Variants in IQCF5 observed in about 807,000 individuals in gnomAD.
The protein encoded by IQCF5 is IQ domain-containing protein F5.
A neutral mutation model predicts 3.4 loss-of-function variants in IQCF5; 2 were observed. The observed-to-expected ratio is 0.58, with a 90% confidence interval of 0.24 to 1.84. IQCF5 has a LOEUF of 1.84. IQCF5 is among the 40% of genes most tolerant of loss of function. The pLI is 0.17. For synonymous variants in IQCF5, 58 were observed against 64.7 expected, an observed-to-expected ratio of 0.90 and a Z score of 0.49; for missense variants, 167 against 191.6, an observed-to-expected ratio of 0.87 and a Z score of 0.76.
Position 51,874,144 on chromosome 3 carries a change from C to T in IQCF5, c.36G>A (p.Arg12=), listed in dbSNP as rs775950038. Residue 12 remains arginine (R), a synonymous_variant, in exon 2 of 2, where the codon AGG becomes AGA. Transcript: ENST00000446461. ...AGGCCTGGATGAAAACAGCTGCAGA[C>T]CTTTCTGTCATGATGGTCTTCTCTT... ...GPEEKTIMTE[R]SAAVFIQAWW... 6.9e-5 allele frequency: 107 copies of T among 1,551,840 alleles called. No individual in the cohort carries two copies. Among genetic ancestry groups the T allele is most frequent in the Non-Finnish European group, 9.2e-5 (105 of 1,147,000 alleles).
Position 51,875,526 on chromosome 3 carries a change from AC to A in IQCF5, c.4+1del. The A allele has an allele frequency of 6.4e-7, 1 of 1,551,942 alleles. No individual in the cohort carries two copies. Among genetic ancestry groups the A allele is most frequent in the Non-Finnish European group, 8.7e-7 (1 of 1,147,060 alleles). On this transcript the variant is annotated splice_donor_variant, in intron 1 of 1. Coordinates refer to ENST00000446461, the MANE Select transcript of IQCF5 (RefSeq NM_001145059.2). LOFTEE classifies it high-confidence loss of function. ...GCACAGGTCTGGACTTTACTAAATT[AC>A]CCATGGTTAGGGGCTAGATGGTCCC...
chr3:51,874,738 T>C (rs1698778214), intron 1 of IQCF5: 1 of 272,118 alleles, frequency 3.7e-6, no homozygotes, highest in African/African-American at 2.3e-5. Context: ...CCCTTGGTCC[T>C]GCATTCCCCA....
rs1698766674 is a variant in IQCF5, at chr3:51,873,905, T to C, written c.275A>G (p.Asn92Ser). 1 of 1,551,774 alleles carries C rather than the reference T, an allele frequency of 6.4e-7. No individual in the cohort carries two copies. The highest frequency in any genetic ancestry group is 8.7e-7 in the Non-Finnish European group (1 of 1,147,030). Residue 92 changes from asparagine (N) to serine (S), a missense_variant, in exon 2 of 2, where the codon AAC (asparagine) becomes AGC (serine). Physicochemically the swap from Asn to Ser is conservative, Grantham distance 46. Coordinates refer to ENST00000446461, the MANE Select transcript of IQCF5 (RefSeq NM_001145059.2). ...ATAGACCTGGATGATGCGGACAGCG[T>C]TGAGCAAACGACAGTAACGCTGGCG... ...CVRQRYCRLL[N>S]AVRIIQVYWR... is the part of the protein sequence containing the mutation.
intron 1 of IQCF5, chr3:51,874,386 A>G (rs1203480001): frequency 2.9e-6 from 2 of 698,802 alleles, no homozygotes; most frequent in Admixed American, 4.0e-5. Flanking sequence ...TCTGCAAAAT[A>G]GGTGTACATC....
At position 51,873,950 on chromosome 3, in the gene IQCF5, C is replaced by G; in HGVS notation, c.230G>C (p.Trp77Ser). 1 of 1,551,946 alleles carries G rather than the reference C, an allele frequency of 6.4e-7. No homozygotes were observed. Among genetic ancestry groups the G allele is most frequent in the Non-Finnish European group, 8.7e-7 (1 of 1,147,102 alleles). Residue 77 changes from tryptophan to serine, a missense_variant, in exon 2 of 2, where the codon TGG (tryptophan) becomes TCG (serine). Coordinates refer to ENST00000446461, the MANE Select transcript of IQCF5 (RefSeq NM_001145059.2). ...CTGGCGGACACACCACATGCGGACC[C>G]AGGACTGCAGCCTGACTGCTGCCCA... ...QEWAAVRLQS[W>S]VRMWCVRQRY...
Position 51,873,752 on chromosome 3 carries a change from G to A in IQCF5, c.428C>T (p.Pro143Leu). The A allele has an allele frequency of 6.4e-7, 1 of 1,550,846 alleles. No homozygotes were observed. ...ACCTGGTCATTCTTTTAATGGAAGG[G>A]GTATGCATTGTTGCACCTTACAAGC... ...LQACKVQQCI[P>L]LPLKE The change falls in exon 2 of 2, where the codon CCC (proline) becomes CTC (leucine). Residue 143 changes from proline (P) to leucine (L), a missense_variant. Physicochemically the swap from Pro to Leu is moderately conservative, Grantham distance 98. Transcript: ENST00000446461.
At chr3:51,875,275 G>T in intron 1 of IQCF5, 1 of 547,620 alleles carries the variant, frequency 1.8e-6, no homozygotes. Context: ...CAGAGTGTAT[G>T]GGGGGAAATA....
At chr3:51,875,396 G>T in intron 1 of IQCF5, 132 bp downstream of exon 1, 5 of 954,800 alleles carry the variant, frequency 5.2e-6, no homozygotes, top group East Asian at 2.6e-5. Flanking sequence ...ATGGAGGGGG[G>T]TCCTGTCATG....
chr3:51,873,740 T>G lies in IQCF5; in HGVS notation c.440A>C (p.Lys147Thr), dbSNP rs1488218153. 6.5e-7 allele frequency: 1 copy of G among 1,549,324 alleles called. No homozygotes were observed. Among genetic ancestry groups the G allele is most frequent in the South Asian group, 1.2e-5 (1 of 83,996 alleles). The stretch of plus-strand genomic sequence containing the variant: ...CAGATATAGCAGACCTGGTCATTCT[T>G]TTAATGGAAGGGGTATGCATTGTTG... Reference protein sequence around the residue: ...KVQQCIPLPLKE With the variant: ...KVQQCIPLPLTE Residue 147 changes from lysine to threonine, a missense_variant, in exon 2 of 2, where the codon AAA (lysine) becomes ACA (threonine). Transcript: ENST00000446461.
chr3:51,875,028 ATAGATCT>A, intron 1 of IQCF5: 1 of 186,120 alleles, frequency 5.4e-6, no homozygotes, highest in Admixed American at 5.3e-5. Flanking sequence ...TTACAGGGTC[ATAGATCT>A]TTGAGTCACT....
intron 1 of IQCF5, 179 bp from the exon 2 acceptor site, chr3:51,874,354 C>A: frequency 1.4e-6 from 1 of 721,496 alleles, no homozygotes; most frequent in Non-Finnish European, 2.5e-6. Context: ...CCTCACTTGA[C>A]CTCTGAGTTT....
chr3:51,874,142 G>A lies in IQCF5; in HGVS notation c.38C>T (p.Ser13Phe). 1 of 1,552,046 alleles carries A rather than the reference G, an allele frequency of 6.4e-7. No homozygotes were observed. The highest frequency in any genetic ancestry group is 1.4e-5 in the African/African-American group (1 of 73,176). Residue 13 changes from serine (S) to phenylalanine (F), a missense_variant, in exon 2 of 2, where the codon TCT becomes TTT. Coordinates refer to ENST00000446461, the MANE Select transcript of IQCF5 (RefSeq NM_001145059.2). ...PEEKTIMTER[S>F]AAVFIQAWWR... ...CCAGGCCTGGATGAAAACAGCTGCAGACCTTTCTGTCATGATGGTCTTCTC... is the reference window on the plus strand; with the variant it reads ...CCAGGCCTGGATGAAAACAGCTGCAAACCTTTCTGTCATGATGGTCTTCTC...
At position 51,875,503 on chromosome 3, in the gene IQCF5, A is replaced by G. The variant is rs1577625893; in HGVS notation, c.4+25T>C. On this transcript the variant is annotated intron_variant, in intron 1 of 1. Transcript: ENST00000446461. ...ACTGGGGACAGGTCGTAAAATTCGC[A>G]CAGGTCTGGACTTTACTAAATTACC... The G allele has an allele frequency of 8.4e-6, 13 of 1,552,080 alleles. No homozygotes were observed. The East Asian group carries it at 2.9e-4, about 35-fold the overall frequency.
chr3:51,875,560 T>G lies in IQCF5; in HGVS notation c.-29A>C, dbSNP rs1343114884. On this transcript the variant is annotated 5_prime_UTR_variant, in exon 1 of 2. Coordinates refer to ENST00000446461, the MANE Select transcript of IQCF5 (RefSeq NM_001145059.2). ...TAGGGGCTAGATGGTCCCATCACCC[T>G]CCGGCCCGCACTCCTCCGATCAGGA... is the stretch of plus-strand genomic sequence containing the variant. The G allele has an allele frequency of 5.2e-6, 8 of 1,551,920 alleles. No homozygotes were observed. The Admixed American group carries it at 7.8e-5, about 15-fold the overall frequency.
chr3:51,875,343 A>C (rs1559730713), intron 1 of IQCF5, 185 bp downstream of exon 1: 1 of 671,814 alleles, frequency 1.5e-6, no homozygotes, highest in East Asian at 2.7e-5. Flanking sequence ...CACCATTCTC[A>C]CTGTTTCTAG....
intron 1 of IQCF5, 172 bp downstream of exon 1, chr3:51,875,356 A>C: frequency 1.4e-6 from 1 of 717,578 alleles, no homozygotes; most frequent in Non-Finnish European, 2.5e-6. Context: ...GTTTCTAGAC[A>C]GCTTCCTGGC....
chr3:51,873,756 T>C lies in IQCF5; in HGVS notation c.424A>G (p.Ile142Val). 1 of 1,551,484 alleles carries C rather than the reference T, an allele frequency of 6.4e-7. No individual in the cohort carries two copies. The highest frequency in any genetic ancestry group is 1.7e-4 in the Middle Eastern group (1 of 5,992). Residue 142 changes from isoleucine (I) to valine (V), a missense_variant, in exon 2 of 2, where the codon ATA becomes GTA. Physicochemically the swap from Ile to Val is conservative, Grantham distance 29. Coordinates refer to ENST00000446461, the MANE Select transcript of IQCF5 (RefSeq NM_001145059.2). ...GLQACKVQQC[I>V]PLPLKE ...GGTCATTCTTTTAATGGAAGGGGTA[T>C]GCATTGTTGCACCTTACAAGCCTGT...
chr3:51,875,370 C>T (rs1381766738), intron 1 of IQCF5, 158 bp downstream of exon 1: 1 of 802,836 alleles, frequency 1.2e-6, no homozygotes, highest in African/African-American at 1.7e-5. Flanking sequence ...TCCTGGCTTT[C>T]TCTAGGACTT....
Position 51,873,785 on chromosome 3 carries a change from C to G in IQCF5, c.395G>C (p.Gly132Ala), listed in dbSNP as rs534134632. The change falls in exon 2 of 2, where the codon GGC becomes GCC. Residue 132 changes from glycine (G) to alanine (A), a missense_variant. Gly to Ala is a moderately conservative substitution (Grantham distance 60). Transcript: ENST00000446461. ...QLNIQLEISL[G>A]LQACKVQQCI... is the part of the protein sequence containing the mutation. ...TTGTTGCACCTTACAAGCCTGTAAG[C>G]CCAAAGAGATTTCAAGTTGAATATT... 1.2e-5 allele frequency: 19 copies of G among 1,551,702 alleles called. No individual in the cohort carries two copies. In the South Asian group the frequency reaches 1.4e-4, roughly 12 times the overall value.
Sources: gnomAD v4.1 joint callset for allele counts on GRCh38, gnomAD v4.1.1 for gene constraint, MANE v1.5 for transcripts, NCBI Gene and HGNC (gene_info 2026-07-23, HGNC 2026-07-21) for gene names.